The following SLC35F4 variants were observed in gnomAD, a reference collection of about 807,000 sequenced individuals.
SLC35F4 encodes the protein chromosome 14 open reading frame 36.
A neutral mutation model predicts 44.2 loss-of-function variants in SLC35F4; 24 were observed. That is an observed-to-expected ratio of 0.54 (90% CI 0.39 to 0.76). SLC35F4 has a LOEUF of 0.76. Among genes scored for constraint, SLC35F4 ranks in the 30% least tolerant of loss-of-function variants. The probability of loss-of-function intolerance (pLI) is 0.00; values close to 1 mark genes in which losing one functional copy is unlikely to be tolerated. For synonymous variants in SLC35F4, 238 were observed against 223.6 expected, an observed-to-expected ratio of 1.06 and a Z score of -0.57; for missense variants, 562 against 586.1, an observed-to-expected ratio of 0.96 and a Z score of 0.42.
chr14:57,933,779 A>C (rs1485812104), intron 1 of SLC35F4, among the ~76,000 whole-genome samples: 1 of 152,158 alleles, frequency 6.6e-6, no homozygotes, highest in Non-Finnish European at 1.5e-5. Context: ...CTCTGTTAAA[A>C]CCCTCCTTTT....
At chr14:57,880,040 GGAAGGAAGGA>G (rs1888492439) in intron 1 of SLC35F4, among the ~76,000 whole-genome samples, 22 of 2,402 alleles carry the variant, frequency 9.2e-3, no homozygotes, top group Non-Finnish European at 0.025. Flanking sequence ...GAGGGAGGAA[GGAAGGAAGGA>G]AGGAAGGAAG....
upstream of SLC35F4, among the ~76,000 whole-genome samples, chr14:57,982,602 A>G (rs1408426757): frequency 3.3e-5 from 5 of 152,018 alleles, no homozygotes; most frequent in Non-Finnish European, 5.9e-5. Context: ...CATGAGCGAT[A>G]ATTGTTGGGA....
intron 1 of SLC35F4, among the ~76,000 whole-genome samples, chr14:57,819,777 C>T (rs1479745647): frequency 2.7e-5 from 4 of 149,530 alleles, no homozygotes; most frequent in Non-Finnish European, 5.9e-5. Context: ...CGCCCCATTG[C>T]ACTCCAGCCT....
At chr14:57,967,882 G>A (rs551476629) in intron 1 of SLC35F4, among the ~76,000 whole-genome samples, 32 of 152,264 alleles carry the variant, frequency 2.1e-4, no homozygotes, top group African/African-American at 7.2e-4. Flanking sequence ...GGTTTGATAG[G>A]TAAGACAGAA....
chr14:57,789,519 A>G (rs2077857970), intron 1 of SLC35F4, among the ~76,000 whole-genome samples: 2 of 152,150 alleles, frequency 1.3e-5, no homozygotes, highest in South Asian at 4.1e-4. Flanking sequence ...CTACCAACCA[A>G]AAAAAGCCCC....
At chr14:57,921,308 T>C (rs1319797392) in intron 1 of SLC35F4, among the ~76,000 whole-genome samples, 1 of 152,184 alleles carries the variant, frequency 6.6e-6, no homozygotes, top group Admixed American at 6.5e-5. Flanking sequence ...GCAGGTGTAG[T>C]ATCAAGACAC....
At chr14:57,595,430 T>TC (rs1371129126) in intron 1 of SLC35F4, among the ~76,000 whole-genome samples, 2 of 152,148 alleles carry the variant, frequency 1.3e-5, no homozygotes, top group Admixed American at 1.3e-4. Context: ...GTCTTTTTTT[T>TC]CCCTTTCCAT....
intron 1 of SLC35F4, among the ~76,000 whole-genome samples, chr14:57,699,930 A>C (rs1272372356): frequency 1.3e-5 from 2 of 152,228 alleles, no homozygotes; most frequent in East Asian, 3.8e-4. Flanking sequence ...CTAATTGCAC[A>C]GGATAACTGA....
intron 1 of SLC35F4, among the ~76,000 whole-genome samples, chr14:57,721,153 T>A (rs1003640017): frequency 2.0e-5 from 3 of 151,118 alleles, no homozygotes; most frequent in Admixed American, 6.6e-5. Flanking sequence ...CTTTCACTGG[T>A]TTTGGGGTTT....
At chr14:57,618,665 G>A (rs1398275120) in intron 1 of SLC35F4, among the ~76,000 whole-genome samples, 1 of 152,174 alleles carries the variant, frequency 6.6e-6, no homozygotes, top group Non-Finnish European at 1.5e-5. Flanking sequence ...TACCCCAGGG[G>A]CACCTGCAAT....
chr14:57,747,612 T>C (rs1408998860), intron 1 of SLC35F4, among the ~76,000 whole-genome samples: 1 of 152,178 alleles, frequency 6.6e-6, no homozygotes, highest in Non-Finnish European at 1.5e-5. Flanking sequence ...CTGGATTATT[T>C]TGAAGCAAAT....
intron 1 of SLC35F4, among the ~76,000 whole-genome samples, chr14:57,909,541 TACACACACAC>T (rs56024301): frequency 0.022 from 3,293 of 148,540 alleles, 113 homozygotes; most frequent in African/African-American, 0.068. Context: ...CAGTTGGAAA[TACACACACAC>T]ACACACACAC....
intron 1 of SLC35F4, among the ~76,000 whole-genome samples, chr14:57,865,419 G>A (rs1017679430): frequency 8.5e-5 from 13 of 152,190 alleles, no homozygotes; most frequent in African/African-American, 3.1e-4. Context: ...CCACCAGGGT[G>A]AGCCGGCCAA....
At chr14:57,618,869 C>G (rs1363506994) in intron 1 of SLC35F4, among the ~76,000 whole-genome samples, 1 of 152,176 alleles carries the variant, frequency 6.6e-6, no homozygotes, top group African/African-American at 2.4e-5. Context: ...GGGCGTCCAC[C>G]ATTGCTGAGG....
chr14:57,655,000 G>C (rs2073914480), intron 1 of SLC35F4, among the ~76,000 whole-genome samples: 1 of 152,098 alleles, frequency 6.6e-6, no homozygotes, highest in African/African-American at 2.4e-5. Context: ...CTGTACTCCA[G>C]GGTGGCGTGA....
intron 1 of SLC35F4, among the ~76,000 whole-genome samples, chr14:57,678,361 C>T (rs995118438): frequency 1.3e-5 from 2 of 152,024 alleles, no homozygotes; most frequent in African/African-American, 4.8e-5. Context: ...CACAAGGGCT[C>T]CTGAAGGAGG....
At chr14:57,982,209 G>T (rs1421301615), upstream of SLC35F4, 2 of 152,196 alleles carry the variant, frequency 1.3e-5, no homozygotes, top group African/African-American at 2.4e-5. Context: ...GAGACAGAGT[G>T]TGCTTTGGGA....
At chr14:57,715,056 G>T (rs532516558) in intron 1 of SLC35F4, among the ~76,000 whole-genome samples, 3 of 152,210 alleles carry the variant, frequency 2.0e-5, no homozygotes, top group African/African-American at 7.2e-5. Flanking sequence ...AATTATTTTT[G>T]AGAGGAATAG....
At chr14:57,729,581 T>C (rs1051383919) in intron 1 of SLC35F4, among the ~76,000 whole-genome samples, 4 of 152,094 alleles carry the variant, frequency 2.6e-5, no homozygotes, top group Non-Finnish European at 5.9e-5. Context: ...CAGTGCCTTA[T>C]TCTGCTGTAG....
Sources: gnomAD v4.1 joint callset for allele counts (sites outside exome capture counted in the v4.1 genomes callset) on GRCh38, gnomAD v4.1.1 for gene constraint, MANE v1.5 for transcripts, NCBI Gene and HGNC (gene_info 2026-07-23, HGNC 2026-07-21) for gene names.